C6orf58: variants seen among roughly 807,000 people sequenced by gnomAD.
C6orf58 encodes protein LEG1 homolog.
In C6orf58, 30 loss-of-function variants were observed where a neutral mutation model predicts 37.0. That is an observed-to-expected ratio of 0.81 (90% confidence interval 0.61 to 1.10). The LOEUF (loss-of-function observed/expected upper bound fraction) is 1.10, where lower values mean the gene tolerates loss of function less well. C6orf58 is among the 50% of genes least tolerant of loss of function. The pLI is 0.00. For synonymous variants in C6orf58, 143 were observed against 134.1 expected (o/e 1.07, Z -0.46); for missense variants, 368 against 387.5 (o/e 0.95, Z 0.42).
chr6:127,578,329 G>A (rs181348736), intron 1 of C6orf58, among the ~76,000 whole-genome samples: 80 of 152,200 alleles, frequency 5.3e-4, no homozygotes, highest in Middle Eastern at 3.4e-3. Flanking sequence ...AGTCAAGCTA[G>A]TAAGTGGTAG....
In C6orf58 at chr6:127,590,218, G is replaced by A. The variant is rs749468767; in HGVS notation, c.806G>A (p.Arg269Gln). ...SYKFQKGMPPRILLNTDVAPF... is the reference protein window; with the variant it reads ...SYKFQKGMPPQILLNTDVAPF... ...AAGTTCCAGAAGGGCATGCCACCAC[G>A]AATTCTTCTTAATACTGATGTAGCC... is the stretch of plus-strand genomic sequence containing the variant. The change falls in exon 5 of 6, where the codon CGA (arginine) becomes CAA (glutamine). Residue 269 changes from arginine to glutamine, a missense_variant. Transcript: ENST00000329722. 31 of 1,613,706 alleles carry A rather than the reference G, an allele frequency of 1.9e-5. No individual in the cohort carries two copies. Among genetic ancestry groups the A allele is most frequent in the Non-Finnish European group, 2.4e-5 (28 of 1,179,750 alleles).
rs776708642 is a variant in C6orf58 at position 127,591,578 on chromosome 6, G to A, written c.949G>A (p.Asp317Asn). 6 of 1,531,978 alleles carry A rather than the reference G, an allele frequency of 3.9e-6. No homozygotes were observed. The highest frequency in any genetic ancestry group is 4.4e-6 in the Non-Finnish European group (5 of 1,145,934). The allele number at this position is 1,531,978 out of a possible 1,614,324, so 94.9% of individuals were successfully genotyped here. ...LCTEKSNVYR[D>N]HSESSSRSYG... ...TACAGAAAAATCTAATGTATATAGA[G>A]ATCATTCGGAATCTAGCTCTAGAAG... Residue 317 changes from aspartate (D) to asparagine (N), a missense_variant, in exon 6 of 6, where the codon GAT becomes AAT. By Grantham distance (23) the Asp-to-Asn change is conservative. Coordinates refer to ENST00000329722, the MANE Select transcript of C6orf58 (RefSeq NM_001010905.3).
chr6:127,585,419 T>A (rs1255738861), intron 4 of C6orf58, among the ~76,000 whole-genome samples: 1 of 152,138 alleles, frequency 6.6e-6, no homozygotes, highest in Non-Finnish European at 1.5e-5. Flanking sequence ...TTAATCAGAG[T>A]GATAATTTAA....
Position 127,581,195 on chromosome 6 carries a change from CT to C in C6orf58, c.591del (p.Phe197LeufsTer8). On this transcript the variant is annotated frameshift_variant, in exon 4 of 6. Coordinates refer to ENST00000329722, the MANE Select transcript of C6orf58 (RefSeq NM_001010905.3). LOFTEE classifies it high-confidence loss of function. ...TCTTTACCTTAGTATTTGCAGTCAC[CT>C]TTTAGTAAGTTTGATGATCTGTTGA... ...WNTFYQYLQS[P>X]FSKFDDLLKY... The C allele has an allele frequency of 4.7e-6, 7 of 1,496,452 alleles. No individual in the cohort carries two copies. The highest frequency in any genetic ancestry group is 2.0e-5 in the Admixed American group (1 of 50,650). The allele number at this position is 1,496,452 out of a possible 1,614,324, so 92.7% of individuals were successfully genotyped here. A position where few individuals can be genotyped will look rare whatever the true frequency, so the allele number is the denominator to read the frequency against.
intron 5 of C6orf58, 93 bp downstream of exon 5, chr6:127,590,418 A>G (rs1317875373): frequency 2.5e-6 from 2 of 784,722 alleles, no homozygotes; most frequent in Non-Finnish European, 4.1e-6. Flanking sequence ...TAAACATTAC[A>G]GCACTCCAAA....
Position 127,577,295 on chromosome 6 carries a change from C to T in C6orf58, c.110C>T (p.Pro37Leu). 6.2e-7 allele frequency: 1 copy of T among 1,613,584 alleles called. No homozygotes were observed. Among genetic ancestry groups the T allele is most frequent in the Non-Finnish European group, 8.5e-7 (1 of 1,179,624 alleles). The change falls in exon 1 of 6, where the codon CCT (proline) becomes CTT (leucine). Residue 37 changes from proline to leucine, a missense_variant. Pro to Leu is a moderately conservative substitution (Grantham distance 98). Transcript: ENST00000329722. ...GAGCCCCCTCTGTGGAAGGAGAGTC[C>T]TGGTCAGCTCAGTGACTACAGGGTG... ...ETEPPLWKES[P>L]GQLSDYRVEN...
intron 4 of C6orf58, among the ~76,000 whole-genome samples, chr6:127,584,284 C>G (rs1158923816): frequency 6.6e-6 from 1 of 152,096 alleles, no homozygotes; most frequent in Admixed American, 6.5e-5. Context: ...GTTTTTATTG[C>G]CTTACCAGCA....
In C6orf58 at chr6:127,582,767, CCA is replaced by C. The variant is rs75317562; in HGVS notation, c.674+1486_674+1487del. Among the ~76,000 whole-genome samples the C allele has an allele frequency of 2.0e-3, 304 of 152,250 alleles. 4 individuals carry two copies. In the East Asian group the frequency reaches 0.053, roughly 26 times the overall value. Reference sequence around the variant, plus strand: ...CAAATTAAGAGTTGCAGACCAATATCCAGTTTCCAATTAGTTATGGAGTGACA... The same window carrying C: ...CAAATTAAGAGTTGCAGACCAATATCGTTTCCAATTAGTTATGGAGTGACA... On this transcript the variant is annotated intron_variant, in intron 4 of 5. Coordinates refer to ENST00000329722, the MANE Select transcript of C6orf58 (RefSeq NM_001010905.3).
At chr6:127,584,129 C>A (rs1032486265) in intron 4 of C6orf58, among the ~76,000 whole-genome samples, 1 of 152,150 alleles carries the variant, frequency 6.6e-6, no homozygotes, top group Non-Finnish European at 1.5e-5. Flanking sequence ...TTCTAATAAC[C>A]TTTTCACTAT....
At chr6:127,580,720 A>T (rs1339423757) in intron 3 of C6orf58, among the ~76,000 whole-genome samples, 1 of 152,142 alleles carries the variant, frequency 6.6e-6, no homozygotes, top group Non-Finnish European at 1.5e-5. Context: ...AATGATTAAT[A>T]AGCTATTCTG....
rs1296205866 is a variant in C6orf58 at position 127,590,294 on chromosome 6, A to C, written c.882A>C (p.Leu294=). The C allele has an allele frequency of 6.2e-7, 1 of 1,611,028 alleles. No individual in the cohort carries two copies. The highest frequency in any genetic ancestry group is 8.5e-7 in the Non-Finnish European group (1 of 1,178,542). The change falls in exon 5 of 6, where the codon CTA becomes CTC. Residue 294 remains leucine (L), a synonymous_variant. Transcript: ENST00000329722. ...TAFQNVVLVL[L]NMLDNVDKSI... is the part of the protein sequence containing the mutation. The stretch of plus-strand genomic sequence containing the variant: ...TTCAGAATGTAGTCCTGGTTCTTCT[A>C]AATATGCTTGACAATGTGGATAAAT...
chr6:127,588,904 G>T (rs1411534501), intron 4 of C6orf58, among the ~76,000 whole-genome samples: 1 of 152,046 alleles, frequency 6.6e-6, no homozygotes, highest in African/African-American at 2.4e-5. Flanking sequence ...GTATTAAGGG[G>T]CATTGAATCC....
At chr6:127,580,565 T>C in intron 3 of C6orf58, 116 bp downstream of exon 3, 1 of 681,146 alleles carries the variant, frequency 1.5e-6, no homozygotes, top group Non-Finnish European at 2.5e-6. Context: ...TGTAAATTGC[T>C]ATGCATGATA....
At chr6:127,590,369 G>T in intron 5 of C6orf58, 44 bp downstream of exon 5, 1 of 1,141,392 alleles carries the variant, frequency 8.8e-7, no homozygotes. Context: ...GTATTATGTT[G>T]AACAAATAGA....
intron 4 of C6orf58, among the ~76,000 whole-genome samples, chr6:127,581,620 A>C (rs1775052132): frequency 6.6e-6 from 1 of 152,164 alleles, no homozygotes; most frequent in Non-Finnish European, 1.5e-5. Context: ...TGTTACAAGA[A>C]AAACTATAGA....
intron 4 of C6orf58, among the ~76,000 whole-genome samples, chr6:127,583,272 A>G (rs566865737): frequency 6.6e-6 from 1 of 152,308 alleles, no homozygotes; most frequent in East Asian, 1.9e-4. Context: ...GAACCAGAGT[A>G]TCTCTAAGAT....
intron 4 of C6orf58, among the ~76,000 whole-genome samples, chr6:127,582,968 A>G (rs1419084486): frequency 2.0e-5 from 3 of 152,202 alleles, no homozygotes; most frequent in Non-Finnish European, 4.4e-5. Flanking sequence ...ATGAGTCAGC[A>G]TTATGAGTCA....
chr6:127,580,787 GAAGAA>G (rs1423252025), intron 3 of C6orf58, among the ~76,000 whole-genome samples: 4 of 152,016 alleles, frequency 2.6e-5, no homozygotes, highest in African/African-American at 7.2e-5. Flanking sequence ...TAAAATCAAT[GAAGAA>G]AAGATATATT....
In C6orf58 at chr6:127,580,320, A is replaced by C; in HGVS notation, c.444A>C (p.Val148=). The C allele has an allele frequency of 6.2e-7, 1 of 1,612,980 alleles. No individual in the cohort carries two copies. The highest frequency in any genetic ancestry group is 8.5e-7 in the Non-Finnish European group (1 of 1,179,202). The change falls in exon 3 of 6, where the codon GTA becomes GTC. Residue 148 remains valine, a synonymous_variant. Coordinates refer to ENST00000329722, the MANE Select transcript of C6orf58 (RefSeq NM_001010905.3). ...TTCTTGCTGCGGTTGATTCTGGTGT[A>C]ATGGGGATATCATCAGACCAAGTCA... ...LPFLAAVDSG[V]MGISSDQVRL...
Sources: gnomAD v4.1 joint callset for allele counts (sites outside exome capture counted in the v4.1 genomes callset) on GRCh38, gnomAD v4.1.1 for gene constraint, MANE v1.5 for transcripts, NCBI Gene and HGNC (gene_info 2026-07-23, HGNC 2026-07-21) for gene names.